Variants in USP34 observed in about 807,000 individuals in gnomAD.
USP34 encodes the protein ubiquitin carboxyl-terminal hydrolase 34.
In USP34, 70 loss-of-function variants were observed where a neutral mutation model predicts 460.3. The observed-to-expected ratio is 0.15, with a 90% confidence interval of 0.13 to 0.19. The LOEUF (loss-of-function observed/expected upper bound fraction) is 0.19, where lower values mean the gene tolerates loss of function less well. Ranked by LOEUF, USP34 falls within the 10% of genes least tolerant of loss-of-function variation. The pLI is 1.00. For missense variants in USP34, 3,985 were observed against 4,236.2 expected, an observed-to-expected ratio of 0.94 and a Z score of 1.65; for synonymous variants, 1,647 against 1,405.3, an observed-to-expected ratio of 1.17 and a Z score of -3.85.
chr2:61,268,983 A>G (rs74600115), intron 41 of USP34, among the ~76,000 whole-genome samples: 20 of 148,582 alleles, frequency 1.3e-4, no homozygotes, highest in African/African-American at 4.7e-4. Context: ...GAAATTTAAG[A>G]CAATATCATG....
At chr2:61,374,567 G>A (rs1692733637) in intron 8 of USP34, among the ~76,000 whole-genome samples, 1 of 151,780 alleles carries the variant, frequency 6.6e-6, no homozygotes, top group Non-Finnish European at 1.5e-5. Context: ...ATACAGAGAT[G>A]ACCAAATCTG....
intron 27 of USP34, among the ~76,000 whole-genome samples, chr2:61,307,451 A>C (rs191255221): frequency 1.3e-5 from 2 of 151,972 alleles, no homozygotes; most frequent in Non-Finnish European, 2.9e-5. Flanking sequence ...GTACCCTAGA[A>C]CTTTAATTTA....
At position 61,405,720 on chromosome 2, in the gene USP34, G is replaced by A. The variant is rs201767581; in HGVS notation, c.540C>T (p.His180=). ...CTATTTTACATACCTCAATAGTAGG[G>A]TGAGTATTATGCTTGTAAGCAGTAT... is the stretch of plus-strand genomic sequence containing the variant. ...PLYTAYKHNT[H]PTIEDISTQE... is the part of the protein sequence containing the mutation. The change falls in exon 3 of 80, where the codon CAC becomes CAT. Residue 180 remains histidine, a synonymous_variant. Transcript: ENST00000398571. 18 of 1,549,016 alleles carry A rather than the reference G, an allele frequency of 1.2e-5. No individual in the cohort carries two copies. The highest frequency in any genetic ancestry group is 6.9e-5 in the African/African-American group (5 of 72,302).
At chr2:61,237,998 C>T (rs1432465166) in intron 53 of USP34, among the ~76,000 whole-genome samples, 1 of 151,742 alleles carries the variant, frequency 6.6e-6, no homozygotes, top group Non-Finnish European at 1.5e-5. Flanking sequence ...CAGGTTCAAG[C>T]GATTCTCTTG....
chr2:61,251,442 G>C (rs530221421), intron 48 of USP34, among the ~76,000 whole-genome samples: 1 of 152,168 alleles, frequency 6.6e-6, no homozygotes, highest in Non-Finnish European at 1.5e-5. Flanking sequence ...GTCTACTAAA[G>C]ATTACACATA....
chr2:61,328,405 T>C (rs544665374), intron 20 of USP34, among the ~76,000 whole-genome samples: 35 of 152,076 alleles, frequency 2.3e-4, no homozygotes, highest in African/African-American at 7.7e-4. Flanking sequence ...AGAATCTTTT[T>C]CCCCCCTCGG....
rs570955333 is a variant in USP34 at position 61,461,824 on chromosome 2, A to G, written c.43+8826T>C. ...CAGTAAACTCACGTCTAGAAATCTA[A>G]AAGAACCAGGGATGTAGATAAAAGA... On this transcript the variant is annotated intron_variant, in intron 1 of 79. Transcript: ENST00000398571. 6.4e-4 allele frequency among the ~76,000 whole-genome samples: 98 copies of G among 152,350 alleles called. 2 individuals carry two copies. In the South Asian group the frequency reaches 0.019, roughly 30 times the overall value.
chr2:61,315,443 G>A (rs1327894821), intron 23 of USP34, among the ~76,000 whole-genome samples: 1 of 151,834 alleles, frequency 6.6e-6, no homozygotes, highest in Non-Finnish European at 1.5e-5. Flanking sequence ...CGCAATCTTG[G>A]CTCACTGCAA....
At chr2:61,417,048 G>T in intron 2 of USP34, 1 of 1,317,032 alleles carries the variant, frequency 7.6e-7, no homozygotes, top group African/African-American at 1.4e-5. Flanking sequence ...TCTGGCAGCC[G>T]GGGAACTTGA....
intron 41 of USP34, among the ~76,000 whole-genome samples, chr2:61,267,900 G>A (rs528744070): frequency 5.9e-5 from 9 of 152,130 alleles, no homozygotes; most frequent in Admixed American, 2.0e-4. Flanking sequence ...GATTACAGGC[G>A]TGAGCCACCG....
At chr2:61,189,948 T>G (rs1306858449) in intron 78 of USP34, 1 of 205,956 alleles carries the variant, frequency 4.9e-6, no homozygotes, top group Non-Finnish European at 9.6e-6. Context: ...TTGTTTCAGT[T>G]ACATAGGAGC....
At chr2:61,388,760 A>G (rs1049149714) in intron 5 of USP34, among the ~76,000 whole-genome samples, 8 of 50,424 alleles carry the variant, frequency 1.6e-4, no homozygotes, top group Non-Finnish European at 2.6e-4. Flanking sequence ...CATCTCAGAA[A>G]AAGAATATAT....
At chr2:61,349,222 T>G (rs1691866380) in intron 13 of USP34, 28 bp downstream of exon 13, 1 of 1,605,332 alleles carries the variant, frequency 6.2e-7, no homozygotes, top group Non-Finnish European at 8.5e-7. Flanking sequence ...TAAGTCATGT[T>G]GCCATGAATT....
At position 61,265,943 on chromosome 2, in the gene USP34, T is replaced by A. The variant is rs1401596305; in HGVS notation, c.5617+41A>T. 3.3e-6 allele frequency: 5 copies of A among 1,494,662 alleles called. No homozygotes were observed. The Admixed American group carries it at 6.1e-5, about 18-fold the overall frequency. The allele number at this position is 1,494,662 out of a possible 1,614,324, so 92.6% of individuals were successfully genotyped here. On this transcript the variant is annotated intron_variant, in intron 42 of 79. Transcript: ENST00000398571. ...GTGCCCTCAAAATCTTATTTCTGAATTCAAAATCTATAAAGATTAAAGGAA... is the reference window on the plus strand; with the variant it reads ...GTGCCCTCAAAATCTTATTTCTGAAATCAAAATCTATAAAGATTAAAGGAA...
At chr2:61,349,557 C>T (rs546260415) in intron 12 of USP34, among the ~76,000 whole-genome samples, 1 of 152,076 alleles carries the variant, frequency 6.6e-6, no homozygotes, top group South Asian at 2.1e-4. Context: ...AAAATACCCA[C>T]TGGCCAGATG....
intron 16 of USP34, 49 bp from the exon 17 acceptor site, chr2:61,339,730 C>T: frequency 1.0e-6 from 1 of 993,410 alleles, no homozygotes; most frequent in Non-Finnish European, 1.4e-6. Context: ...ATGCAGCTGA[C>T]TGATTATAGC....
Position 61,248,510 on chromosome 2 carries a change from CCTT to C in USP34, c.6392_6394del (p.Glu2131del). The C allele has an allele frequency of 1.3e-6, 2 of 1,547,694 alleles. No homozygotes were observed. Among genetic ancestry groups the C allele is most frequent in the Non-Finnish European group, 1.8e-6 (2 of 1,142,408 alleles). ...ACAAGAGAAAGAAATGAAAAAATCA[CCTT>C]CTTTCCTCTCACTCTTTCCCATAAG... On this transcript the variant is annotated inframe_deletion and splice_region_variant, in exon 49 of 80. Coordinates refer to ENST00000398571, the MANE Select transcript of USP34 (RefSeq NM_014709.4).
chr2:61,407,796 G>T (rs924488090), intron 2 of USP34, among the ~76,000 whole-genome samples: 1 of 152,138 alleles, frequency 6.6e-6, no homozygotes, highest in African/African-American at 2.4e-5. Flanking sequence ...GACCACATGA[G>T]AAAGTACCAA....
intron 2 of USP34, among the ~76,000 whole-genome samples, chr2:61,413,310 G>A (rs1241756145): frequency 6.6e-6 from 1 of 152,176 alleles, no homozygotes; most frequent in African/African-American, 2.4e-5. Flanking sequence ...AGAATTGCCT[G>A]AACCTGGAAG....
Sources: gnomAD v4.1 joint callset for allele counts (sites outside exome capture counted in the v4.1 genomes callset) on GRCh38, gnomAD v4.1.1 for gene constraint, MANE v1.5 for transcripts, NCBI Gene and HGNC (gene_info 2026-07-23, HGNC 2026-07-21) for gene names.